PTBP3: variants seen among roughly 807,000 people sequenced by gnomAD.
PTBP3 encodes the protein polypyrimidine tract binding protein 3, also known as polypyrimidine tract-binding protein 3.
A neutral mutation model predicts 58.7 loss-of-function variants in PTBP3; 20 were observed. That is an observed-to-expected ratio of 0.34 (90% CI 0.24 to 0.50). The LOEUF is 0.50. Among genes scored for constraint, PTBP3 ranks in the 20% least tolerant of loss-of-function variants. The pLI, the probability that PTBP3 is intolerant of heterozygous loss-of-function variation, is 0.98. For missense variants in PTBP3, 509 were observed against 637.2 expected (o/e 0.80, Z 2.17); for synonymous variants, 185 against 219.8 (o/e 0.84, Z 1.40).
chr9:112,251,229 T>G (rs1405304473), intron 6 of PTBP3, 126 bp from the exon 7 acceptor site: 1 of 642,994 alleles, frequency 1.6e-6, no homozygotes, highest in African/African-American at 1.9e-5. Context: ...AGCCAAAGTC[T>G]TGGGTTTACT....
chr9:112,325,880 C>A (rs140560062), intron 1 of PTBP3, among the ~76,000 whole-genome samples: 1 of 152,010 alleles, frequency 6.6e-6, no homozygotes, highest in Non-Finnish European at 1.5e-5. Context: ...TAGCCCGGAG[C>A]GGTGGAGCGC....
the PTBP3 span, among the ~76,000 whole-genome samples, chr9:112,349,262 T>G: frequency 1.3e-5 from 2 of 152,180 alleles, no homozygotes; most frequent in Non-Finnish European, 2.9e-5. Flanking sequence ...GAGGTTGGCA[T>G]GCCCAGAGAG....
chr9:112,370,894 T>C, the PTBP3 span, among the ~76,000 whole-genome samples: 1 of 152,214 alleles, frequency 6.6e-6, no homozygotes, highest in African/African-American at 2.4e-5. Flanking sequence ...TTCTTATAAA[T>C]GAAATTTATT....
At chr9:112,259,703 A>G (rs775191625) in intron 5 of PTBP3, among the ~76,000 whole-genome samples, 2 of 152,250 alleles carry the variant, frequency 1.3e-5, no homozygotes, top group Non-Finnish European at 2.9e-5. Context: ...GATGTTAGAT[A>G]GCAGTTGAGC....
rs374963617 is a variant in PTBP3, at chr9:112,220,196, C to T, written c.*3655G>A. Reference sequence around the variant, plus strand: ...GTCAATTTTTTGTCCAAAAATATCTCGTGGGAACAGAAGAGAAACTGCATG... The same window carrying T: ...GTCAATTTTTTGTCCAAAAATATCTTGTGGGAACAGAAGAGAAACTGCATG... On this transcript the variant is annotated 3_prime_UTR_variant, in exon 14 of 14. Transcript: ENST00000374257. 11 of 1,344,488 alleles carry T rather than the reference C, an allele frequency of 8.2e-6. No individual in the cohort carries two copies. The highest frequency in any genetic ancestry group is 3.0e-5 in the African/African-American group (2 of 67,562). 83.3% of individuals were successfully genotyped at this position (1,344,488 alleles called of 1,614,324 possible).
intron 1 of PTBP3, among the ~76,000 whole-genome samples, chr9:112,306,604 A>ATAT (rs1341386115): frequency 6.7e-5 from 7 of 104,022 alleles, no homozygotes; most frequent in Middle Eastern, 4.0e-3. Context: ...ATATATATAT[A>ATAT]TTTTTGTTTG....
chr9:112,240,448 T>A (rs959584965), intron 7 of PTBP3, among the ~76,000 whole-genome samples: 1 of 152,140 alleles, frequency 6.6e-6, no homozygotes, highest in Non-Finnish European at 1.5e-5. Context: ...ATTGTAACAC[T>A]GTAGTGCAAC....
At chr9:112,328,005 T>C (rs552912204) in intron 1 of PTBP3, among the ~76,000 whole-genome samples, 2 of 152,318 alleles carry the variant, frequency 1.3e-5, no homozygotes, top group South Asian at 4.1e-4. Context: ...ACTTAATCTC[T>C]AAAAACAACT....
At chr9:112,344,115 T>C in the PTBP3 span, among the ~76,000 whole-genome samples, 2 of 152,176 alleles carry the variant, frequency 1.3e-5, no homozygotes, top group Non-Finnish European at 2.9e-5. Context: ...AAAGGTAAAA[T>C]TTATCAATCT....
the PTBP3 span, among the ~76,000 whole-genome samples, chr9:112,341,173 C>T: frequency 2.6e-5 from 4 of 151,978 alleles, no homozygotes; most frequent in South Asian, 8.3e-4. Context: ...CTCAAGTCGC[C>T]CAGACTAGAG....
chr9:112,229,393 G>A (rs886582513), intron 10 of PTBP3, among the ~76,000 whole-genome samples: 3 of 151,614 alleles, frequency 2.0e-5, no homozygotes, highest in Non-Finnish European at 2.9e-5. Context: ...GGGAAACCCC[G>A]TCTCTACCAA....
rs1589784353 is a variant in PTBP3, at chr9:112,219,325, G to A, written c.*4526C>T. On this transcript the variant is annotated 3_prime_UTR_variant, in exon 14 of 14. Coordinates refer to ENST00000374257, the MANE Select transcript of PTBP3 (RefSeq NM_001163788.4). ...AAGGCCAGAGTATGATTTTTTTAAT[G>A]GCATCAAAAAAATAGCTATTTAAAT... 6.6e-6 allele frequency: 1 copy of A among 152,378 alleles called. No homozygotes were observed. The highest frequency in any genetic ancestry group is 6.6e-5 in the Admixed American group (1 of 15,266). 9.4% of individuals were successfully genotyped at this position (152,378 alleles called of 1,614,324 possible). A position where few individuals can be genotyped will look rare whatever the true frequency, so the allele number is the denominator to read the frequency against.
intron 1 of PTBP3, among the ~76,000 whole-genome samples, chr9:112,315,326 T>A (rs1273939870): frequency 6.6e-6 from 1 of 150,436 alleles, no homozygotes; most frequent in African/African-American, 2.4e-5. Flanking sequence ...AACAAAAAGA[T>A]ATCTGGAAAA....
intron 1 of PTBP3, among the ~76,000 whole-genome samples, chr9:112,302,093 A>AT (rs1332274087): frequency 6.6e-6 from 1 of 152,164 alleles, no homozygotes; most frequent in Non-Finnish European, 1.5e-5. Flanking sequence ...CCCTTCAAAG[A>AT]TAAGCAGAAC....
chr9:112,297,364 C>A (rs1198245740), intron 2 of PTBP3, among the ~76,000 whole-genome samples: 1 of 152,128 alleles, frequency 6.6e-6, no homozygotes, highest in African/African-American at 2.4e-5. Context: ...GCCATCACAC[C>A]CAGCTAATTT....
At chr9:112,320,050 T>C (rs1301957104) in intron 1 of PTBP3, among the ~76,000 whole-genome samples, 2 of 151,956 alleles carry the variant, frequency 1.3e-5, no homozygotes, top group Non-Finnish European at 2.9e-5. Flanking sequence ...TGGTCAAGGA[T>C]ACAAAATTTC....
intron 7 of PTBP3, among the ~76,000 whole-genome samples, chr9:112,244,164 C>T (rs537691204): frequency 1.3e-4 from 19 of 151,124 alleles, no homozygotes; most frequent in African/African-American, 3.9e-4. Context: ...TGGTGGCATG[C>T]GCCTGTAGTC....
chr9:112,224,929 T>C (rs1834926109), intron 12 of PTBP3, among the ~76,000 whole-genome samples: 1 of 152,144 alleles, frequency 6.6e-6, no homozygotes, highest in South Asian at 2.1e-4. Context: ...TGGAAATGGA[T>C]CCTCTATCTC....
At chr9:112,340,875 T>TC in the PTBP3 span, among the ~76,000 whole-genome samples, 54,013 of 122,732 alleles carry the variant, frequency 0.44, 9,968 homozygotes, top group South Asian at 0.54. Flanking sequence ...AAACTCTGTC[T>TC]CAAAAAAAAA....
Sources: allele counts gnomAD v4.1 joint callset (sites outside exome capture counted in the v4.1 genomes callset), GRCh38; gene constraint gnomAD v4.1.1; transcripts MANE v1.5; gene names NCBI Gene and HGNC (gene_info 2026-07-23, HGNC 2026-07-21).